Variants in GRIK2 observed in about 807,000 individuals in gnomAD.
The protein encoded by GRIK2 is glutamate receptor ionotropic, kainate 2.
In GRIK2, 32 loss-of-function variants were observed where a neutral mutation model predicts 100.3. The observed-to-expected ratio is 0.32, with a 90% confidence interval of 0.24 to 0.43. The LOEUF (loss-of-function observed/expected upper bound fraction) is 0.43, where lower values mean the gene tolerates loss of function less well. Among genes scored for constraint, GRIK2 ranks in the 20% least tolerant of loss-of-function variants. The pLI is 1.00. For missense variants in GRIK2, 843 were observed against 1,114.9 expected (o/e 0.76, Z 3.47); for synonymous variants, 417 against 389.4 (o/e 1.07, Z -0.83).
At chr6:101,976,981 C>CTCTT (rs1793419453) in intron 14 of GRIK2, among the ~76,000 whole-genome samples, 1 of 151,760 alleles carries the variant, frequency 6.6e-6, no homozygotes, top group Non-Finnish European at 1.5e-5. Context: ...ACTAGCTGTC[C>CTCTT]ATGTGTACAT....
intron 2 of GRIK2, among the ~76,000 whole-genome samples, chr6:101,527,077 A>C (rs1256563170): frequency 1.3e-5 from 2 of 152,154 alleles, no homozygotes; most frequent in Non-Finnish European, 2.9e-5. Flanking sequence ...CAGAGAGTGG[A>C]CAGATTATAA....
chr6:101,724,834 G>A (rs1197201187), intron 7 of GRIK2, among the ~76,000 whole-genome samples: 1 of 151,974 alleles, frequency 6.6e-6, no homozygotes. Context: ...AGAGTTCTGA[G>A]AAATAGGAGG....
chr6:101,800,002 G>A (rs970919687), intron 8 of GRIK2, among the ~76,000 whole-genome samples: 3 of 151,950 alleles, frequency 2.0e-5, no homozygotes, highest in Non-Finnish European at 2.9e-5. Flanking sequence ...ATCTATGAGG[G>A]TTAGCATTTA....
intron 2 of GRIK2, among the ~76,000 whole-genome samples, chr6:101,618,583 G>C (rs996398486): frequency 1.3e-5 from 2 of 151,306 alleles, no homozygotes; most frequent in Non-Finnish European, 3.0e-5. Flanking sequence ...CAAATTTATT[G>C]ATTTTCACCC....
intron 2 of GRIK2, among the ~76,000 whole-genome samples, chr6:101,495,007 A>AAATTATAAT (rs1416875215): frequency 6.9e-6 from 1 of 145,556 alleles, no homozygotes; most frequent in Non-Finnish European, 1.5e-5. Context: ...ATATGAAGGA[A>AAATTATAAT]AATTATAATC....
At chr6:101,738,701 T>C (rs538715146) in intron 7 of GRIK2, among the ~76,000 whole-genome samples, 1 of 152,284 alleles carries the variant, frequency 6.6e-6, no homozygotes, top group Admixed American at 6.5e-5. Context: ...GCTAGATAAC[T>C]CTTTGCTGTG....
intron 12 of GRIK2, among the ~76,000 whole-genome samples, chr6:101,910,877 TG>T (rs1788642019): frequency 1.4e-5 from 1 of 69,936 alleles, no homozygotes; most frequent in Non-Finnish European, 2.7e-5. Context: ...ACACAAGCAT[TG>T]GCTAATAATT....
Position 101,656,052 on chromosome 6 carries a change from C to T in GRIK2, c.542-20571C>T, listed in dbSNP as rs184539236. On this transcript the variant is annotated intron_variant, in intron 4 of 16. Transcript: ENST00000369134. ...GCATGGTGGCTCATGCCCAAAATCC[C>T]AGCACTTTGGGAGGCCAAGGTGGGT... 5.4e-3 allele frequency among the ~76,000 whole-genome samples: 815 copies of T among 152,058 alleles called. 13 individuals are homozygous for T. Among genetic ancestry groups the T allele is most frequent in the African/African-American group, 0.018 (767 of 41,506 alleles).
chr6:101,399,319 G>A lies in GRIK2; in HGVS notation c.42G>A (p.Arg14=), dbSNP rs1376872318. 5.6e-6 allele frequency: 9 copies of A among 1,596,056 alleles called. No individual in the cohort carries two copies. The highest frequency in any genetic ancestry group is 6.0e-6 in the Non-Finnish European group (7 of 1,163,744). ...IFPILSNPVF[R]RTVKLLLCLL... is the part of the protein sequence containing the mutation. ...CGATTCTAAGTAATCCAGTCTTCAG[G>A]CGCACCGTTAAACTCCTGCTCTGTT... Residue 14 remains arginine, a synonymous_variant, in exon 2 of 17, where the codon AGG becomes AGA. Coordinates refer to ENST00000369134, the MANE Select transcript of GRIK2 (RefSeq NM_021956.5).
intron 7 of GRIK2, among the ~76,000 whole-genome samples, chr6:101,792,800 T>A (rs920339156): frequency 3.3e-5 from 5 of 152,040 alleles, no homozygotes; most frequent in African/African-American, 1.2e-4. Flanking sequence ...TCCTGCAGAG[T>A]TTTTTCCAAC....
chr6:101,517,038 A>G (rs9390754), intron 2 of GRIK2, among the ~76,000 whole-genome samples: 30,727 of 151,984 alleles, frequency 0.2, 4,618 homozygotes, highest in African/African-American at 0.4. Context: ...TATTTTCTGG[A>G]TATGTTTTCT....
At chr6:101,836,659 ATATTTTTTTT>A (rs1358355575) in intron 10 of GRIK2, among the ~76,000 whole-genome samples, 8 of 60,214 alleles carry the variant, frequency 1.3e-4, no homozygotes, top group Admixed American at 2.6e-4. Context: ...ATATATATAT[ATATTTTTTTT>A]TTTTTTTTTT....
intron 14 of GRIK2, among the ~76,000 whole-genome samples, chr6:101,975,108 C>T (rs1188599190): frequency 6.6e-6 from 1 of 151,764 alleles, no homozygotes; most frequent in East Asian, 1.9e-4. Context: ...TTTGATTCCA[C>T]AGAGTGAGTT....
At chr6:101,695,532 T>TA (rs1318460942) in intron 7 of GRIK2, among the ~76,000 whole-genome samples, 3 of 152,156 alleles carry the variant, frequency 2.0e-5, no homozygotes, top group Non-Finnish European at 4.4e-5. Flanking sequence ...TATTTATCTA[T>TA]GTACTAAACT....
chr6:101,761,395 C>A (rs1050460539), intron 7 of GRIK2, among the ~76,000 whole-genome samples: 3 of 152,012 alleles, frequency 2.0e-5, no homozygotes, highest in African/African-American at 7.3e-5. Flanking sequence ...AATACAGGTT[C>A]CCCTAAAGGC....
intron 12 of GRIK2, among the ~76,000 whole-genome samples, chr6:101,902,419 G>A (rs982421106): frequency 8.6e-5 from 13 of 151,894 alleles, no homozygotes; most frequent in Non-Finnish European, 1.5e-4. Context: ...AAAGTAAAAA[G>A]TTAAGTTGTT....
chr6:101,845,055 C>T (rs141006426), intron 10 of GRIK2, among the ~76,000 whole-genome samples: 18 of 152,064 alleles, frequency 1.2e-4, no homozygotes, highest in African/African-American at 3.6e-4. Context: ...GTCCCATTCT[C>T]TGTCACCAAA....
intron 12 of GRIK2, among the ~76,000 whole-genome samples, chr6:101,922,754 A>T (rs1477591228): frequency 2.6e-5 from 4 of 152,198 alleles, no homozygotes; most frequent in Non-Finnish European, 5.9e-5. Context: ...CCCGTTCATG[A>T]TCTAACCACT....
In GRIK2 at chr6:101,508,970, A is replaced by G. The variant is rs536964094; in HGVS notation, c.115+109578A>G. On this transcript the variant is annotated intron_variant, in intron 2 of 16. Coordinates refer to ENST00000369134, the MANE Select transcript of GRIK2 (RefSeq NM_021956.5). ...GGAGATCGAGACCATCCTGGCTAAC[A>G]CGGTGAAACCCCGTCTCTACTAAGA... Among the ~76,000 whole-genome samples, 44 of 152,132 alleles carry G rather than the reference A, an allele frequency of 2.9e-4. No homozygotes were observed. The South Asian group carries it at 8.9e-3, about 31-fold the overall frequency.
Sources: allele counts gnomAD v4.1 joint callset (sites outside exome capture counted in the v4.1 genomes callset), GRCh38; gene constraint gnomAD v4.1.1; transcripts MANE v1.5; gene names NCBI Gene and HGNC (gene_info 2026-07-23, HGNC 2026-07-21).